Variants in SERGEF observed in about 807,000 individuals in gnomAD.
The protein encoded by SERGEF is secretion regulating guanine nucleotide exchange factor.
A neutral mutation model predicts 50.0 loss-of-function variants in SERGEF; 51 were observed. The observed-to-expected ratio is 1.02, with a 90% CI of 0.81 to 1.29. The LOEUF is 1.29. SERGEF is among the 50% of genes most tolerant of loss of function. The pLI, the probability that SERGEF is intolerant of heterozygous loss-of-function variation, is 0.00. For synonymous variants in SERGEF, 205 were observed against 212.4 expected (o/e 0.97, Z 0.30); for missense variants, 521 against 557.0 (o/e 0.94, Z 0.65).
intron 7 of SERGEF, among the ~76,000 whole-genome samples, chr11:17,989,405 A>G (rs1353612444): frequency 6.6e-6 from 1 of 152,188 alleles, no homozygotes; most frequent in East Asian, 1.9e-4. Flanking sequence ...ACCTTGGACA[A>G]ATCACTTCCT....
intron 10 of SERGEF, among the ~76,000 whole-genome samples, chr11:17,826,604 G>T (rs1850200490): frequency 6.6e-6 from 1 of 152,136 alleles, no homozygotes; most frequent in Non-Finnish European, 1.5e-5. Flanking sequence ...GAGATGGATG[G>T]TAATAATGGT....
chr11:17,849,946 CT>C (rs1204318412), intron 10 of SERGEF, among the ~76,000 whole-genome samples: 2 of 152,072 alleles, frequency 1.3e-5, no homozygotes, highest in Admixed American at 1.3e-4. Context: ...TTCTCCTGGT[CT>C]TTTTTTCTGT....
chr11:17,839,765 G>A (rs1019207023), intron 10 of SERGEF, among the ~76,000 whole-genome samples: 2 of 152,172 alleles, frequency 1.3e-5, no homozygotes, highest in African/African-American at 4.8e-5. Flanking sequence ...CTCACATCCT[G>A]AGGTGTTGGC....
At chr11:17,985,299 T>C (rs560974096) in intron 8 of SERGEF, among the ~76,000 whole-genome samples, 2 of 152,350 alleles carry the variant, frequency 1.3e-5, no homozygotes, top group East Asian at 3.9e-4. Context: ...CATTTGAACA[T>C]CATAGCAGCC....
chr11:17,839,717 C>T lies in SERGEF; in HGVS notation c.1048+38491G>A, dbSNP rs181081608. Among the ~76,000 whole-genome samples, 320 of 151,310 alleles carry T rather than the reference C, an allele frequency of 2.1e-3. 4 individuals are homozygous for T. Among genetic ancestry groups the T allele is most frequent in the Non-Finnish European group, 7.1e-4 (48 of 67,454 alleles). On this transcript the variant is annotated intron_variant, in intron 10 of 10. Transcript: ENST00000265965. ...CCATCCACGCGCACATGCCACAGGG[C>T]TGCCAGCTGATCAGAGGCTCCGAAG...
At chr11:18,004,942 G>A (rs754116371) in intron 3 of SERGEF, among the ~76,000 whole-genome samples, 8 of 152,198 alleles carry the variant, frequency 5.3e-5, no homozygotes, top group South Asian at 2.1e-4. Flanking sequence ...GTGAGTTTAG[G>A]AGATGGGACA....
At chr11:17,998,828 C>T (rs1590243351) in intron 5 of SERGEF, among the ~76,000 whole-genome samples, 1 of 105,432 alleles carries the variant, frequency 9.5e-6, no homozygotes, top group African/African-American at 4.9e-5. Flanking sequence ...ACCTACAGGC[C>T]AGGAAAAAAA....
intron 8 of SERGEF, among the ~76,000 whole-genome samples, chr11:17,980,144 G>A (rs1853465992): frequency 6.6e-6 from 1 of 152,206 alleles, no homozygotes; most frequent in African/African-American, 2.4e-5. Context: ...TTCCACAATA[G>A]TGGAGAAATT....
rs1480945269 is a variant in SERGEF at position 17,995,784 on chromosome 11, G to A, written c.622+12C>T. ...AAGAACAAATATAGGACTAAAGAAA[G>A]AAGCATCTTACCTGTCACTCTGCTT... On this transcript the variant is annotated intron_variant, in intron 6 of 10. Transcript: ENST00000265965. The A allele has an allele frequency of 1.3e-6, 2 of 1,548,978 alleles. No individual in the cohort carries two copies. The highest frequency in any genetic ancestry group is 1.7e-4 in the Middle Eastern group (1 of 5,944).
At chr11:17,913,632 T>C (rs1254630932) in intron 9 of SERGEF, among the ~76,000 whole-genome samples, 2 of 152,168 alleles carry the variant, frequency 1.3e-5, no homozygotes, top group Non-Finnish European at 2.9e-5. Flanking sequence ...GAAGGAGGCT[T>C]AGCTGCACTA....
At chr11:17,920,994 A>T (rs757410) in intron 9 of SERGEF, among the ~76,000 whole-genome samples, 1 of 151,988 alleles carries the variant, frequency 6.6e-6, no homozygotes, top group Non-Finnish European at 1.5e-5. Context: ...TCCCTTTTTA[A>T]CACCCATCCA....
chr11:17,956,980 G>A (rs1359151867), intron 9 of SERGEF, among the ~76,000 whole-genome samples: 1 of 152,166 alleles, frequency 6.6e-6, no homozygotes, highest in East Asian at 1.9e-4. Flanking sequence ...TACATGCCTA[G>A]CAGGCCAGAC....
At chr11:17,859,210 CA>C (rs1166758170) in intron 10 of SERGEF, among the ~76,000 whole-genome samples, 1 of 152,050 alleles carries the variant, frequency 6.6e-6, no homozygotes, top group Non-Finnish European at 1.5e-5. Context: ...GAGAAGAAAA[CA>C]TTTGTTTAAA....
chr11:17,836,103 T>C (rs908345701), intron 10 of SERGEF, among the ~76,000 whole-genome samples: 1 of 152,242 alleles, frequency 6.6e-6, no homozygotes, highest in Non-Finnish European at 1.5e-5. Context: ...CAAACATCAC[T>C]GAGCACATAC....
intron 8 of SERGEF, among the ~76,000 whole-genome samples, chr11:17,967,537 C>T (rs145141013): frequency 5.0e-4 from 76 of 152,300 alleles, no homozygotes; most frequent in African/African-American, 1.8e-3. Context: ...GCTACCAAAT[C>T]GGGGGCAGCA....
intron 5 of SERGEF, among the ~76,000 whole-genome samples, chr11:17,998,440 CATATATATATATATAT>C (rs60861006): frequency 0.02 from 669 of 33,732 alleles, 10 homozygotes; most frequent in Middle Eastern, 0.068. Flanking sequence ...TACATACATA[CATATATATATATATAT>C]ATATATATAT....
At chr11:17,886,569 T>A (rs2133906198) in intron 9 of SERGEF, among the ~76,000 whole-genome samples, 1 of 151,954 alleles carries the variant, frequency 6.6e-6, no homozygotes. Flanking sequence ...TGAACCGAGA[T>A]CATACCACTG....
At chr11:17,891,410 C>T (rs768182007) in intron 9 of SERGEF, among the ~76,000 whole-genome samples, 42 of 152,306 alleles carry the variant, frequency 2.8e-4, no homozygotes, top group Middle Eastern at 6.8e-3. Context: ...TCCTAGTGTC[C>T]TCTGTGCTGG....
At chr11:17,960,321 T>A (rs1215655323) in intron 8 of SERGEF, among the ~76,000 whole-genome samples, 1 of 152,088 alleles carries the variant, frequency 6.6e-6, no homozygotes, top group Non-Finnish European at 1.5e-5. Context: ...AGCTGGCCAG[T>A]GCTAAAAATG....
Sources: gnomAD v4.1 joint callset for allele counts (sites outside exome capture counted in the v4.1 genomes callset) on GRCh38, gnomAD v4.1.1 for gene constraint, MANE v1.5 for transcripts, NCBI Gene and HGNC (gene_info 2026-07-23, HGNC 2026-07-21) for gene names.